Variants in SNTG1 observed in about 807,000 individuals in gnomAD.
The protein encoded by SNTG1 is gamma-1-syntrophin.
SNTG1 carries 39 observed loss-of-function variants against 74.7 expected under a neutral mutation model. That is an observed-to-expected ratio of 0.52 (90% CI 0.40 to 0.68). The LOEUF is 0.68. Ranked by LOEUF, SNTG1 falls within the 30% of genes least tolerant of loss-of-function variation. The pLI, the probability that SNTG1 is intolerant of heterozygous loss-of-function variation, is 0.00. For synonymous variants in SNTG1, 254 were observed against 217.1 expected, an observed-to-expected ratio of 1.17 and a Z score of -1.49; for missense variants, 685 against 609.5, an observed-to-expected ratio of 1.12 and a Z score of -1.30.
In SNTG1 at chr8:50,445,807, C is replaced by T. The variant is rs1412039163; in HGVS notation, c.220-3861C>T. 3.3e-5 allele frequency among the ~76,000 whole-genome samples: 5 copies of T among 152,298 alleles called. No homozygotes were observed. In the South Asian group the frequency reaches 1.0e-3, roughly 32 times the overall value. ...GGAGAAGATGGTGATGAAAGCCTTGCCTGGACCTCAGGCCATTTATACTTC... is the reference window on the plus strand; with the variant it reads ...GGAGAAGATGGTGATGAAAGCCTTGTCTGGACCTCAGGCCATTTATACTTC... On this transcript the variant is annotated intron_variant, in intron 5 of 18. Coordinates refer to ENST00000642720, the MANE Select transcript of SNTG1 (RefSeq NM_018967.5).
intron 2 of SNTG1, among the ~76,000 whole-genome samples, chr8:50,345,054 CCTTAATCT>C (rs2091432355): frequency 4.6e-5 from 7 of 152,144 alleles, no homozygotes; most frequent in African/African-American, 1.4e-4. Flanking sequence ...CCTGCTGATA[CCTTAATCT>C]TGGACTTCTA....
chr8:50,123,685 T>C lies in SNTG1; in HGVS notation c.-102-48876T>C, dbSNP rs2081062539. 1.4e-5 allele frequency among the ~76,000 whole-genome samples: 2 copies of C among 142,720 alleles called. 1 individual carries two copies. The highest frequency in any genetic ancestry group is 1.4e-4 in the Admixed American group (2 of 13,890). The allele number at this position is 142,720 out of a possible 152,430, so 93.6% of individuals were successfully genotyped here. A position where few individuals can be genotyped will look rare whatever the true frequency, so the allele number is the denominator to read the frequency against. On this transcript the variant is annotated intron_variant, in intron 1 of 18. Transcript: ENST00000642720. ...TGTATATGCAAAGCACAGATTCTTT[T>C]ATTTTGTTTTTCCTACTGGGAAAGG...
chr8:50,090,492 A>T (rs1377980707), intron 1 of SNTG1, among the ~76,000 whole-genome samples: 1 of 152,172 alleles, frequency 6.6e-6, no homozygotes, highest in Non-Finnish European at 1.5e-5. Context: ...ATTTAGAAAG[A>T]TTCATCTGCA....
chr8:50,149,085 C>A (rs905006382), intron 1 of SNTG1, among the ~76,000 whole-genome samples: 1 of 152,192 alleles, frequency 6.6e-6, no homozygotes, highest in Admixed American at 6.5e-5. Flanking sequence ...TTTATGATCA[C>A]CATTCTAACT....
chr8:50,575,261 CT>C (rs1422959962), intron 12 of SNTG1, among the ~76,000 whole-genome samples: 2 of 152,128 alleles, frequency 1.3e-5, no homozygotes, highest in African/African-American at 4.8e-5. Context: ...GAATAGCCCA[CT>C]TTTTGAATAT....
At chr8:50,391,912 A>G (rs2092667341) in intron 2 of SNTG1, among the ~76,000 whole-genome samples, 1 of 152,170 alleles carries the variant, frequency 6.6e-6, no homozygotes, top group African/African-American at 2.4e-5. Flanking sequence ...CCAATGGAAG[A>G]ATATCTTACA....
intron 13 of SNTG1, among the ~76,000 whole-genome samples, chr8:50,647,558 A>G (rs1048697853): frequency 1.3e-5 from 2 of 152,136 alleles, no homozygotes; most frequent in Non-Finnish European, 2.9e-5. Context: ...GGCAAGAGGT[A>G]GATGGGAGCT....
chr8:50,652,966 A>AT (rs965463328), intron 13 of SNTG1, among the ~76,000 whole-genome samples: 1 of 151,948 alleles, frequency 6.6e-6, no homozygotes, highest in African/African-American at 2.4e-5. Context: ...ACGTTTTCTA[A>AT]TACCAGTATT....
chr8:50,090,129 C>T (rs569677196), intron 1 of SNTG1, among the ~76,000 whole-genome samples: 5 of 152,266 alleles, frequency 3.3e-5, no homozygotes, highest in African/African-American at 4.8e-5. Flanking sequence ...AATTGTATAC[C>T]AGTCCTCTGC....
At chr8:50,085,362 T>C (rs1822786139) in intron 1 of SNTG1, among the ~76,000 whole-genome samples, 1 of 152,338 alleles carries the variant, frequency 6.6e-6, no homozygotes, top group East Asian at 1.9e-4. Flanking sequence ...CTTCCTTCTA[T>C]ACTATATAGT....
chr8:50,523,779 G>A (rs552189213), intron 9 of SNTG1, among the ~76,000 whole-genome samples: 175 of 152,272 alleles, frequency 1.1e-3, no homozygotes, highest in African/African-American at 4.1e-3. Flanking sequence ...GTGACCACAA[G>A]CTATTATAAA....
intron 2 of SNTG1, among the ~76,000 whole-genome samples, chr8:50,261,858 G>A (rs920426860): frequency 6.6e-6 from 1 of 151,810 alleles, no homozygotes; most frequent in Non-Finnish European, 1.5e-5. Context: ...AAGAGTGGAG[G>A]ATAAAAAGAC....
intron 4 of SNTG1, among the ~76,000 whole-genome samples, chr8:50,412,944 G>A (rs957992076): frequency 2.3e-4 from 35 of 152,078 alleles, no homozygotes; most frequent in Admixed American, 1.7e-3. Flanking sequence ...GTTTTAGAGC[G>A]GTGTACAATG....
chr8:50,435,673 G>T (rs901761860), intron 4 of SNTG1, among the ~76,000 whole-genome samples: 1 of 152,086 alleles, frequency 6.6e-6, no homozygotes, highest in Non-Finnish European at 1.5e-5. Context: ...GTTTTGCCTT[G>T]TCTCTCCTAA....
intron 13 of SNTG1, among the ~76,000 whole-genome samples, chr8:50,635,156 C>A (rs964069240): frequency 5.9e-5 from 9 of 152,160 alleles, no homozygotes; most frequent in African/African-American, 2.2e-4. Flanking sequence ...TCATCAAAAG[C>A]ATATAAATCA....
intron 1 of SNTG1, among the ~76,000 whole-genome samples, chr8:50,075,468 T>A (rs1188282171): frequency 6.6e-6 from 1 of 152,204 alleles, no homozygotes; most frequent in Non-Finnish European, 1.5e-5. Flanking sequence ...AGAACTTTTG[T>A]GTCTAACTCA....
At chr8:50,670,674 A>C (rs13281668) in intron 15 of SNTG1, among the ~76,000 whole-genome samples, 14,216 of 122,574 alleles carry the variant, frequency 0.12, 701 homozygotes, top group Middle Eastern at 0.19. Context: ...ACTTTCTTCA[A>C]AGAATTGGAA....
intron 2 of SNTG1, among the ~76,000 whole-genome samples, chr8:50,215,640 G>A (rs951866641): frequency 6.6e-6 from 1 of 151,736 alleles, no homozygotes; most frequent in South Asian, 2.1e-4. Flanking sequence ...AATTTTAAAA[G>A]TATTATCAAT....
intron 9 of SNTG1, among the ~76,000 whole-genome samples, chr8:50,504,512 T>C (rs2093990242): frequency 6.6e-6 from 1 of 152,062 alleles, no homozygotes; most frequent in African/African-American, 2.4e-5. Flanking sequence ...CGAATTTAGG[T>C]GGGGTGCAGT....
Sources: allele counts gnomAD v4.1 joint callset (sites outside exome capture counted in the v4.1 genomes callset), GRCh38; gene constraint gnomAD v4.1.1; transcripts MANE v1.5; gene names NCBI Gene and HGNC (gene_info 2026-07-23, HGNC 2026-07-21).